Variants in MYH3 observed in about 807,000 individuals in gnomAD.
The protein encoded by MYH3 is myosin-3.
A neutral mutation model predicts 238.0 loss-of-function variants in MYH3; 130 were observed. The ratio of observed to expected loss-of-function variants is 0.55; its 90% CI spans 0.47 to 0.63. MYH3 has a LOEUF of 0.63. MYH3 is among the 30% of genes least tolerant of loss of function. MYH3 has a pLI of 0.00. For synonymous variants in MYH3, 880 were observed against 924.1 expected (o/e 0.95, Z 0.86); for missense variants, 1,853 against 2,374.9 (o/e 0.78, Z 4.57).
chr17:10,675,395 CT>C, the MYH3 span: 1 of 152,284 alleles, frequency 6.6e-6, no homozygotes, highest in Non-Finnish European at 1.5e-5. Context: ...CCAATGCATT[CT>C]CCACATCACA....
At chr17:10,636,314 T>C (rs1440374563) in intron 28 of MYH3, among the ~76,000 whole-genome samples, 1 of 144,610 alleles carries the variant, frequency 6.9e-6, no homozygotes, top group African/African-American at 2.5e-5. Flanking sequence ...AAAAAAGATA[T>C]TGTTGTAAAC....
chr17:10,658,272 A>G (rs1278072547), upstream of MYH3, among the ~76,000 whole-genome samples: 1 of 152,144 alleles, frequency 6.6e-6, no homozygotes, highest in East Asian at 1.9e-4. Context: ...TTTCTTGACA[A>G]ATCTTTGGGA....
chr17:10,665,808 A>G, the MYH3 span, among the ~76,000 whole-genome samples: 1 of 152,200 alleles, frequency 6.6e-6, no homozygotes, highest in Non-Finnish European at 1.5e-5. Context: ...TAAAGAAAAT[A>G]CTGAAAAAAG....
chr17:10,638,993 A>G, intron 25 of MYH3, 30 bp from the exon 26 acceptor site: 1 of 1,614,174 alleles, frequency 6.2e-7, no homozygotes, highest in East Asian at 2.2e-5. Flanking sequence ...ATGCATGAAG[A>G]CAAAATACAC....
chr17:10,641,167 G>T lies in MYH3; in HGVS notation c.2083C>A (p.Arg695=), dbSNP rs767298033. Residue 695 remains arginine, a synonymous_variant, in exon 19 of 41, where the codon CGG becomes AGG. Transcript: ENST00000583535. ...MEHSLVLHQL[R]CNGVLEGIRI... ...ATGCCCTCCAGGACACCGTTACACC[G>T]CAGCTGGTGCAGAACAAGGCTGTGT... 1.9e-6 allele frequency: 3 copies of T among 1,614,068 alleles called. No individual in the cohort carries two copies. The Admixed American group carries it at 5.0e-5, about 27-fold the overall frequency.
intron 7 of MYH3, 70 bp downstream of exon 7, chr17:10,649,506 GC>G (rs1051262640): frequency 2.4e-5 from 28 of 1,188,506 alleles, no homozygotes; most frequent in Non-Finnish European, 3.3e-5. Flanking sequence ...AGGACATTTG[GC>G]CCCCTCATTC....
intron 5 of MYH3, among the ~76,000 whole-genome samples, chr17:10,650,826 TC>T (rs2142421377): frequency 6.6e-6 from 1 of 152,268 alleles, no homozygotes; most frequent in East Asian, 1.9e-4. Context: ...TCCAGCTGTA[TC>T]CTTTGGTCAA....
chr17:10,676,474 G>T, the MYH3 span: 1 of 152,076 alleles, frequency 6.6e-6, no homozygotes, highest in Non-Finnish European at 1.5e-5. Context: ...TGGGTGGGGG[G>T]GTGCAGACAA....
the MYH3 span, among the ~76,000 whole-genome samples, chr17:10,662,559 C>T: frequency 6.6e-6 from 1 of 152,164 alleles, no homozygotes; most frequent in South Asian, 2.1e-4. Flanking sequence ...AAAGGACAAT[C>T]TCCAAAATGC....
intron 5 of MYH3, among the ~76,000 whole-genome samples, chr17:10,650,686 T>A (rs947455432): frequency 6.6e-6 from 1 of 152,242 alleles, no homozygotes; most frequent in African/African-American, 2.4e-5. Context: ...ATCCGTCACC[T>A]CACATACTTA....
intron 34 of MYH3, 142 bp from the exon 35 acceptor site, chr17:10,632,158 G>T: frequency 8.6e-7 from 1 of 1,169,550 alleles, no homozygotes; most frequent in Non-Finnish European, 1.2e-6. Context: ...GTCTTGTTCT[G>T]TCACCCAAGC....
At chr17:10,646,880 T>C (rs1267666859) in intron 10 of MYH3, among the ~76,000 whole-genome samples, 1 of 152,006 alleles carries the variant, frequency 6.6e-6, no homozygotes, top group Non-Finnish European at 1.5e-5. Flanking sequence ...AAACCTCATC[T>C]CTACAAAAAA....
At chr17:10,643,091 A>G in intron 14 of MYH3, 95 bp from the exon 15 acceptor site, 2 of 1,601,056 alleles carry the variant, frequency 1.2e-6, no homozygotes, top group Non-Finnish European at 1.7e-6. Flanking sequence ...GTTCCTGTCA[A>G]ACACATTAAT....
In MYH3 at chr17:10,640,489, A is replaced by G. The variant is rs765593394; in HGVS notation, c.2290-20T>C. ...GAACACCTTATGGGGCAGAAGGGTG[A>G]CATGAGTCAGTTTCCTAGAGAAGCT... On this transcript the variant is annotated intron_variant, in intron 20 of 40. Transcript: ENST00000583535. The G allele has an allele frequency of 3.7e-6, 6 of 1,614,248 alleles. No homozygotes were observed. The highest frequency in any genetic ancestry group is 1.6e-4 in the Middle Eastern group (1 of 6,062).
chr17:10,664,340 T>C, the MYH3 span, among the ~76,000 whole-genome samples: 7 of 151,960 alleles, frequency 4.6e-5, no homozygotes, highest in East Asian at 1.9e-4. Context: ...ACGAGACAGG[T>C]AGAGAAACTT....
intron 7 of MYH3, 50 bp from the exon 8 acceptor site, chr17:10,648,699 G>T (rs1270834573): frequency 1.4e-6 from 2 of 1,476,892 alleles, no homozygotes; most frequent in Admixed American, 3.3e-5. Flanking sequence ...TTTTGAGATG[G>T]AGTTACACTC....
At position 10,635,336 on chromosome 17, in the gene MYH3, A is replaced by G. The variant is rs753965931; in HGVS notation, c.4172+31T>C. 6.6e-5 allele frequency: 106 copies of G among 1,613,858 alleles called. 1 individual carries two copies. The South Asian group carries it at 1.1e-3, about 17-fold the overall frequency. ...AAATTCATCGAATTCATTCCTAAGT[A>G]GTTCTTCTAAAAGCAAACAGAGCTG... On this transcript the variant is annotated intron_variant, in intron 30 of 40. Transcript: ENST00000583535.
At chr17:10,630,496 G>A (rs778547952) in intron 36 of MYH3, 38 bp from the exon 37 acceptor site, 1 of 1,613,652 alleles carries the variant, frequency 6.2e-7, no homozygotes, top group Non-Finnish European at 8.5e-7. Flanking sequence ...TGCAGAGGAA[G>A]CTCCAGTGCC....
At chr17:10,639,215 G>C (rs1223606088) in intron 24 of MYH3, 26 bp from the exon 25 acceptor site, 2 of 1,614,088 alleles carry the variant, frequency 1.2e-6, no homozygotes, top group East Asian at 4.5e-5. Flanking sequence ...TTTCCTTTTG[G>C]GAACAAATGC....
Sources: gnomAD v4.1 joint callset for allele counts (sites outside exome capture counted in the v4.1 genomes callset) on GRCh38, gnomAD v4.1.1 for gene constraint, MANE v1.5 for transcripts, NCBI Gene and HGNC (gene_info 2026-07-23, HGNC 2026-07-21) for gene names.